Variants in DNAH5 observed in about 807,000 individuals in gnomAD.
The protein encoded by DNAH5 is dynein axonemal heavy chain 5, also known as axonemal beta dynein heavy chain 5.
A neutral mutation model predicts 518.2 loss-of-function variants in DNAH5; 372 were observed. That is an observed-to-expected ratio of 0.72 (90% CI 0.66 to 0.78). The LOEUF is 0.78. DNAH5 is among the 30% of genes least tolerant of loss of function. The pLI is 0.00. For missense variants in DNAH5, 5,523 were observed against 5,687.0 expected (o/e 0.97, Z 0.93); for synonymous variants, 2,039 against 2,025.9 (o/e 1.01, Z -0.17).
At chr5:13,923,662 G>A (rs988028676) in intron 3 of DNAH5, among the ~76,000 whole-genome samples, 1 of 152,146 alleles carries the variant, frequency 6.6e-6, no homozygotes, top group African/African-American at 2.4e-5. Context: ...TGTTTCAGGG[G>A]CAGTGAAAAG....
intron 1 of DNAH5, among the ~76,000 whole-genome samples, chr5:13,997,460 C>G (rs759737855): frequency 6.6e-6 from 1 of 152,154 alleles, no homozygotes; most frequent in African/African-American, 2.4e-5. Flanking sequence ...ATCAAATGAC[C>G]TTTACTATTC....
chr5:13,761,069 G>C (rs1371500652), intron 60 of DNAH5, among the ~76,000 whole-genome samples: 1 of 152,178 alleles, frequency 6.6e-6, no homozygotes, highest in Non-Finnish European at 1.5e-5. Flanking sequence ...TAAATAAAAA[G>C]GTTCCCACTA....
chr5:13,852,387 G>A (rs914204480), intron 30 of DNAH5, among the ~76,000 whole-genome samples: 3 of 152,072 alleles, frequency 2.0e-5, no homozygotes, highest in Non-Finnish European at 4.4e-5. Context: ...GGCTGGTCTC[G>A]AACTCCCGAC....
At chr5:13,757,825 A>T (rs1051383415) in intron 61 of DNAH5, among the ~76,000 whole-genome samples, 6 of 152,200 alleles carry the variant, frequency 3.9e-5, no homozygotes, top group African/African-American at 1.4e-4. Context: ...AAGACATTAT[A>T]TCATACATTC....
At chr5:13,962,859 G>C (rs1442533863) in intron 1 of DNAH5, among the ~76,000 whole-genome samples, 1 of 152,162 alleles carries the variant, frequency 6.6e-6, no homozygotes, top group Non-Finnish European at 1.5e-5. Flanking sequence ...CCTTGTCACA[G>C]GTAATGAGAG....
chr5:13,800,095 T>C (rs971453289), intron 47 of DNAH5, among the ~76,000 whole-genome samples: 7 of 152,154 alleles, frequency 4.6e-5, no homozygotes, highest in African/African-American at 1.7e-4. Flanking sequence ...TTTCTTCCCT[T>C]GGGGATGCTG....
intron 22 of DNAH5, among the ~76,000 whole-genome samples, chr5:13,875,816 A>C (rs189130720): frequency 0.014 from 2,102 of 152,320 alleles, 46 homozygotes; most frequent in African/African-American, 0.046. Context: ...AAGTCCATAA[A>C]TGCAAAAGAT....
chr5:13,753,025 T>G (rs1375607635), intron 63 of DNAH5, among the ~76,000 whole-genome samples: 1 of 151,914 alleles, frequency 6.6e-6, no homozygotes, highest in Non-Finnish European at 1.5e-5. Flanking sequence ...CATTGAAAGA[T>G]GGCATTGGTA....
Position 13,753,481 on chromosome 5 carries a change from G to T in DNAH5, c.10624C>A (p.Leu3542Met), listed in dbSNP as rs1750546326. The change falls in exon 63 of 79, where the codon CTG (leucine) becomes ATG (methionine). Residue 3542 changes from leucine to methionine, a missense_variant. Leu to Met is a conservative substitution (Grantham distance 15). This residue lies in a region of DNAH5 where 5,121 missense variants were observed against 5,223.3 expected (regional missense o/e 0.98). Transcript: ENST00000265104. The stretch of plus-strand genomic sequence containing the variant: ...ATTTCCTTCCGCCAGTCATTTAACA[G>T]AAGATCACGAAACTCTTGGTTAAAT... Reference protein sequence around the residue: ...GPFNQEFRDLLLNDWRKEMKA... With the variant: ...GPFNQEFRDLMLNDWRKEMKA... 1 of 1,614,022 alleles carries T rather than the reference G, an allele frequency of 6.2e-7. No homozygotes were observed. The highest frequency in any genetic ancestry group is 2.2e-5 in the East Asian group (1 of 44,866).
intron 29 of DNAH5, among the ~76,000 whole-genome samples, chr5:13,861,902 G>C (rs1387335867): frequency 7.8e-6 from 1 of 128,434 alleles, no homozygotes; most frequent in East Asian, 2.7e-4. Flanking sequence ...TCAGTGAGCT[G>C]AGATCACGCC....
Position 13,776,724 on chromosome 5 carries a change from G to A in DNAH5, c.9106-18C>T. ...TTAGAGACCTTAAAAAGAAGTACAG[G>A]CATGCAAATTCAGTACACACATAGG... On this transcript the variant is annotated intron_variant, in intron 54 of 78. Transcript: ENST00000265104. 6.8e-6 allele frequency: 11 copies of A among 1,613,006 alleles called. No homozygotes were observed. The highest frequency in any genetic ancestry group is 9.3e-6 in the Non-Finnish European group (11 of 1,179,468).
At chr5:13,976,724 T>TACAC (rs375620037) in intron 1 of DNAH5, among the ~76,000 whole-genome samples, 11,009 of 109,636 alleles carry the variant, frequency 0.1, 493 homozygotes, top group East Asian at 0.19. Context: ...CACACACACA[T>TACAC]ACACACACAC....
At chr5:13,999,262 T>C (rs75787494) in intron 1 of DNAH5, among the ~76,000 whole-genome samples, 42,361 of 152,192 alleles carry the variant, frequency 0.28, 6,318 homozygotes, top group East Asian at 0.6. Flanking sequence ...AAGTATACAT[T>C]ATTGCTAACT....
At chr5:13,859,984 A>G (rs11952501) in intron 29 of DNAH5, among the ~76,000 whole-genome samples, 3,050 of 152,250 alleles carry the variant, frequency 0.02, 117 homozygotes, top group African/African-American at 0.069. Context: ...TTTTTCATAT[A>G]ATATGGAGCT....
chr5:13,901,234 A>G lies in DNAH5; in HGVS notation c.2052+18T>C, dbSNP rs200293546. ...CCATGATTCCAACAATGGGAAGAGT[A>G]TAAATTTAGGGACTCACTTGCCGAA... On this transcript the variant is annotated intron_variant, in intron 14 of 78. Coordinates refer to ENST00000265104, the MANE Select transcript of DNAH5 (RefSeq NM_001369.3). The G allele has an allele frequency of 1.9e-4, 298 of 1,610,110 alleles. 4 individuals are homozygous for G. The South Asian group carries it at 2.6e-3, about 14-fold the overall frequency.
Position 13,717,334 on chromosome 5 carries a change from T to C in DNAH5, c.12686A>G (p.Asp4229Gly). Residue 4229 changes from aspartate (D) to glycine (G), a missense_variant, in exon 73 of 79, where the codon GAT becomes GGT. Around this residue, in one of 3 missense-constraint regions of DNAH5, gnomAD observed 5,121 missense variants for 5,223.3 expected, o/e 0.98. Transcript: ENST00000265104. ...CAGTACCTTTTTGACATCCATGTCA[T>C]CCAAGTGGTTTTGGATGAACTGCAC... Reference protein sequence around the residue: ...ATVQFIQNHLDDMDVKKGVSW... With the variant: ...ATVQFIQNHLGDMDVKKGVSW... The C allele has an allele frequency of 6.2e-7, 1 of 1,613,950 alleles. No individual in the cohort carries two copies. The highest frequency in any genetic ancestry group is 2.2e-5 in the East Asian group (1 of 44,826).
In DNAH5 at chr5:13,841,076, T is replaced by C. The variant is rs774073166; in HGVS notation, c.5539A>G (p.Arg1847Gly). The stretch of plus-strand genomic sequence containing the variant: ...ATTTTTTTATCAAACTTGGCATTTC[T>C]AAGGGCTTCTTCTGAATCCCGTGTC... ...IWTRDSEEAL[R>G]NAKFDKKIMQ... The change falls in exon 34 of 79, where the codon AGA (arginine) becomes GGA (glycine). Residue 1847 changes from arginine to glycine, a missense_variant. Arg to Gly is a moderately radical substitution (Grantham distance 125, BLOSUM62 -2). Around this residue, in one of 3 missense-constraint regions of DNAH5, gnomAD observed 5,121 missense variants for 5,223.3 expected, o/e 0.98. Coordinates refer to ENST00000265104, the MANE Select transcript of DNAH5 (RefSeq NM_001369.3). 5 of 1,614,036 alleles carry C rather than the reference T, an allele frequency of 3.1e-6. No homozygotes were observed. The East Asian group carries it at 6.7e-5, about 22-fold the overall frequency.
intron 55 of DNAH5, among the ~76,000 whole-genome samples, chr5:13,771,933 G>C (rs1753398472): frequency 6.6e-6 from 1 of 152,166 alleles, no homozygotes; most frequent in African/African-American, 2.4e-5. Flanking sequence ...ACTAAATTAA[G>C]TTCTTAAGGC....
At chr5:13,722,305 C>A (rs1453362391) in intron 70 of DNAH5, among the ~76,000 whole-genome samples, 1 of 152,190 alleles carries the variant, frequency 6.6e-6, no homozygotes, top group Admixed American at 6.5e-5. Context: ...TGATTTACAG[C>A]CAGTAATCTG....
Sources: gnomAD v4.1 joint callset for allele counts (sites outside exome capture counted in the v4.1 genomes callset) on GRCh38, gnomAD v4.1.1 for gene constraint, gnomAD v4.1.1 regional missense constraint, MANE v1.5 for transcripts, NCBI Gene and HGNC (gene_info 2026-07-23, HGNC 2026-07-21) for gene names.